DAB1: variants seen among roughly 807,000 people sequenced by gnomAD.
The protein encoded by DAB1 is disabled homolog 1.
DAB1 carries 15 observed loss-of-function variants against 64.6 expected under a neutral mutation model. The observed-to-expected ratio is 0.23, with a 90% CI of 0.16 to 0.36. The LOEUF (loss-of-function observed/expected upper bound fraction) is 0.36. DAB1 is among the 10% of genes least tolerant of loss of function. The probability of loss-of-function intolerance (pLI) is 1.00; values close to 1 mark genes in which losing one functional copy is unlikely to be tolerated. For synonymous variants in DAB1, 235 were observed against 251.9 expected (o/e 0.93, Z 0.64); for missense variants, 596 against 706.7 (o/e 0.84, Z 1.78).
At chr1:57,159,792 G>A (rs1280042582) in intron 2 of DAB1, among the ~76,000 whole-genome samples, 1 of 129,640 alleles carries the variant, frequency 7.7e-6, no homozygotes, top group East Asian at 2.4e-4. Context: ...CCAGACAAAG[G>A]AAAGCCAGGA....
intron 5 of DAB1, among the ~76,000 whole-genome samples, chr1:57,988,881 A>G (rs1402952352): frequency 6.6e-6 from 1 of 152,166 alleles, no homozygotes; most frequent in African/African-American, 2.4e-5. Flanking sequence ...GAGGGTAGCT[A>G]AGAGGCAAAG....
In DAB1 at chr1:58,077,854, A is replaced by T. The variant is rs542319989; in HGVS notation, n.387+72657T>A. On this transcript the variant is annotated intron_variant and non_coding_transcript_variant, in intron 5 of 20. Coordinates refer to the DAB1 transcript ENST00000485760. Reference sequence around the variant, plus strand: ...CTCAAGTCTCAGAGGGCAGGGTGCAAGGAGTTGGCAATTATTGACCCTAAA... The same window carrying T: ...CTCAAGTCTCAGAGGGCAGGGTGCATGGAGTTGGCAATTATTGACCCTAAA... 3 of 152,346 alleles carry T rather than the reference A, an allele frequency of 2.0e-5. No individual in the cohort carries two copies. In the South Asian group the frequency reaches 6.2e-4, roughly 32 times the overall value. The allele number at this position is 152,346 out of a possible 1,614,324, so 9.4% of individuals were successfully genotyped here. A position where few individuals can be genotyped will look rare whatever the true frequency, so the allele number is the denominator to read the frequency against.
At chr1:57,535,245 C>T (rs1401291771) in intron 7 of DAB1, among the ~76,000 whole-genome samples, 1 of 152,144 alleles carries the variant, frequency 6.6e-6, no homozygotes, top group Non-Finnish European at 1.5e-5. Flanking sequence ...ATATAAATAA[C>T]ATGAGGGCAG....
intron 7 of DAB1, among the ~76,000 whole-genome samples, chr1:57,430,611 T>C (rs923674353): frequency 3.9e-4 from 60 of 152,030 alleles, no homozygotes; most frequent in Non-Finnish European, 7.5e-4. Flanking sequence ...TCTCCTGACC[T>C]CGTGATCCGC....
intron 3 of DAB1, among the ~76,000 whole-genome samples, chr1:58,437,149 T>C (rs1315804312): frequency 1.3e-5 from 2 of 152,186 alleles, no homozygotes; most frequent in African/African-American, 4.8e-5. Context: ...AGTTGTCAAA[T>C]GTGAATGTGC....
chr1:58,050,689 C>T (rs984046521), intron 5 of DAB1, among the ~76,000 whole-genome samples: 7 of 152,084 alleles, frequency 4.6e-5, no homozygotes, highest in African/African-American at 1.7e-4. Flanking sequence ...GCCACCTCGC[C>T]TGGCTAATTT....
intron 5 of DAB1, among the ~76,000 whole-genome samples, chr1:58,087,481 G>A (rs1557644632): frequency 6.6e-6 from 1 of 152,160 alleles, no homozygotes; most frequent in African/African-American, 2.4e-5. Context: ...TCCAAAGGTG[G>A]GAAGACCTAG....
intron 5 of DAB1, chr1:58,080,168 C>G (rs1319862881): frequency 1.3e-5 from 2 of 152,220 alleles, no homozygotes; most frequent in African/African-American, 4.8e-5. Flanking sequence ...ATTGTCCACA[C>G]TTCAGTGACT....
At chr1:57,189,198 C>A (rs926932580) in intron 2 of DAB1, among the ~76,000 whole-genome samples, 1 of 152,186 alleles carries the variant, frequency 6.6e-6, no homozygotes, top group African/African-American at 2.4e-5. Context: ...GCTGATGTTA[C>A]AGGAGCTCCA....
chr1:57,954,352 T>G (rs1231538260), intron 5 of DAB1, among the ~76,000 whole-genome samples: 1 of 152,136 alleles, frequency 6.6e-6, no homozygotes, highest in Admixed American at 6.6e-5. Flanking sequence ...TAAATGAGCA[T>G]GCGATATAAG....
At chr1:57,900,350 C>T (rs932476776) in intron 5 of DAB1, among the ~76,000 whole-genome samples, 2 of 152,170 alleles carry the variant, frequency 1.3e-5, no homozygotes, top group Non-Finnish European at 2.9e-5. Context: ...CTGTCCCCTG[C>T]TGCCTTCTTT....
chr1:58,016,383 C>T (rs1156998204), intron 5 of DAB1, among the ~76,000 whole-genome samples: 1 of 152,140 alleles, frequency 6.6e-6, no homozygotes, highest in Admixed American at 6.6e-5. Flanking sequence ...AATCCTGAGT[C>T]AGTGTGTCTT....
intron 7 of DAB1, among the ~76,000 whole-genome samples, chr1:57,545,578 C>T (rs1644847432): frequency 6.6e-6 from 1 of 152,166 alleles, no homozygotes; most frequent in Non-Finnish European, 1.5e-5. Flanking sequence ...CCTGGGTGAC[C>T]CAGCCTGTCA....
At chr1:57,653,424 A>T (rs1646279311) in intron 6 of DAB1, among the ~76,000 whole-genome samples, 1 of 152,178 alleles carries the variant, frequency 6.6e-6, no homozygotes, top group Non-Finnish European at 1.5e-5. Flanking sequence ...TTTAACATGT[A>T]GATAGTATTT....
At chr1:58,202,072 G>C (rs1658027358) in intron 4 of DAB1, among the ~76,000 whole-genome samples, 1 of 152,130 alleles carries the variant, frequency 6.6e-6, no homozygotes, top group Non-Finnish European at 1.5e-5. Flanking sequence ...TGGCTGTGAA[G>C]ATTAAACAAG....
chr1:58,513,682 A>G (rs1416404967), intron 2 of DAB1, among the ~76,000 whole-genome samples: 1 of 152,178 alleles, frequency 6.6e-6, no homozygotes, highest in Admixed American at 6.6e-5. Context: ...CAAAATACTG[A>G]TTATTTTATT....
chr1:57,032,890 G>GT (rs879568174), intron 9 of DAB1, among the ~76,000 whole-genome samples: 14 of 152,304 alleles, frequency 9.2e-5, no homozygotes, highest in Non-Finnish European at 1.8e-4. Flanking sequence ...AACCTCGCCT[G>GT]TTTTTTATTC....
At chr1:57,738,679 A>G (rs1427956832) in intron 6 of DAB1, among the ~76,000 whole-genome samples, 1 of 152,178 alleles carries the variant, frequency 6.6e-6, no homozygotes, top group East Asian at 1.9e-4. Context: ...ATACTTAAGA[A>G]ACTCCATGTA....
At chr1:58,258,556 C>A (rs1341718720) in intron 4 of DAB1, among the ~76,000 whole-genome samples, 1 of 152,136 alleles carries the variant, frequency 6.6e-6, no homozygotes, top group Non-Finnish European at 1.5e-5. Context: ...ACGAGGTGGT[C>A]TCTGGGGTTC....
Sources: allele counts gnomAD v4.1 joint callset (sites outside exome capture counted in the v4.1 genomes callset), GRCh38; gene constraint gnomAD v4.1.1; transcripts MANE v1.5; gene names NCBI Gene and HGNC (gene_info 2026-07-23, HGNC 2026-07-21).